Variants in SEMA4D observed in about 807,000 individuals in gnomAD.
SEMA4D encodes semaphorin 4D.
SEMA4D carries 22 observed loss-of-function variants against 74.8 expected under a neutral mutation model. The observed-to-expected ratio is 0.29, with a 90% CI of 0.21 to 0.42. SEMA4D has a LOEUF of 0.42. Among genes scored for constraint, SEMA4D ranks in the 10% least tolerant of loss-of-function variants. The probability of loss-of-function intolerance (pLI) is 1.00; values close to 1 mark genes in which losing one functional copy is unlikely to be tolerated. For synonymous variants in SEMA4D, 445 were observed against 463.7 expected, an observed-to-expected ratio of 0.96 and a Z score of 0.52; for missense variants, 937 against 1,118.4, an observed-to-expected ratio of 0.84 and a Z score of 2.31.
At chr9:89,366,666 G>A (rs1393442825) in intron 16 of SEMA4D, among the ~76,000 whole-genome samples, 1 of 152,196 alleles carries the variant, frequency 6.6e-6, no homozygotes, top group Non-Finnish European at 1.5e-5. Context: ...ACATCTAGGT[G>A]CCCATCAACT....
At chr9:89,427,486 A>C (rs918949749) in intron 2 of SEMA4D, among the ~76,000 whole-genome samples, 2 of 152,272 alleles carry the variant, frequency 1.3e-5, no homozygotes, top group African/African-American at 4.8e-5. Context: ...CCCAGGTAGG[A>C]ATTCCCCACT....
intron 11 of SEMA4D, 24 bp from the exon 12 acceptor site, chr9:89,387,632 T>G (rs371542377): frequency 6.2e-7 from 1 of 1,607,752 alleles, no homozygotes; most frequent in African/African-American, 1.3e-5. Context: ...ATCCCCGCTG[T>G]TAACGTGCTC....
At chr9:89,491,397 C>T (rs931611063) in intron 1 of SEMA4D, among the ~76,000 whole-genome samples, 8 of 152,226 alleles carry the variant, frequency 5.3e-5, no homozygotes, top group African/African-American at 1.9e-4. Flanking sequence ...TGGTGAAACG[C>T]TGTCTCTACT....
intron 2 of SEMA4D, among the ~76,000 whole-genome samples, chr9:89,426,117 G>T (rs1212017145): frequency 6.6e-6 from 1 of 152,166 alleles, no homozygotes; most frequent in Admixed American, 6.5e-5. Context: ...TTCTCCAGGG[G>T]ACTGGACCTC....
At chr9:89,376,193 T>A (rs1479764792), downstream of SEMA4D, among the ~76,000 whole-genome samples, 2 of 152,198 alleles carry the variant, frequency 1.3e-5, no homozygotes, top group Non-Finnish European at 1.5e-5. Flanking sequence ...CTTAATTTTT[T>A]AAAATTTCCA....
At chr9:89,366,818 C>A (rs1186711310) in intron 16 of SEMA4D, among the ~76,000 whole-genome samples, 2 of 152,156 alleles carry the variant, frequency 1.3e-5, no homozygotes, top group South Asian at 4.1e-4. Flanking sequence ...AGCCCGGTCT[C>A]CTCCCTCATG....
chr9:89,401,788 C>G (rs1453019876), intron 4 of SEMA4D, among the ~76,000 whole-genome samples: 1 of 152,130 alleles, frequency 6.6e-6, no homozygotes, highest in Non-Finnish European at 1.5e-5. Flanking sequence ...GAAATGGGAC[C>G]TCTACGGACC....
At position 89,389,358 on chromosome 9, in the gene SEMA4D, G is replaced by GTGC. The variant is rs536167120; in HGVS notation, c.775-314_775-312dup. Reference sequence around the variant, plus strand: ...AGCATTCAGTCCTGCAACCGCAGAGGTGCTGCCGTGCTCACACACTTCCAA... The same window carrying GTGC: ...AGCATTCAGTCCTGCAACCGCAGAGGTGCTGCTGCCGTGCTCACACACTTCCAA... On this transcript the variant is annotated intron_variant, in intron 9 of 15. Coordinates refer to ENST00000422704, the MANE Select transcript of SEMA4D (RefSeq NM_001371194.2). Among the ~76,000 whole-genome samples, 842 of 152,300 alleles carry GTGC rather than the reference G, an allele frequency of 5.5e-3. 7 individuals carry two copies. The highest frequency in any genetic ancestry group is 0.019 in the African/African-American group (804 of 41,570).
At chr9:89,362,290 G>A in exon 19 of SEMA4D, 1 of 1,591,336 alleles carries the variant, frequency 6.3e-7, no homozygotes, top group Non-Finnish European at 8.6e-7. Context: ...GCAGGCTTGG[G>A]CAAGACAGTT....
intron 1 of SEMA4D, among the ~76,000 whole-genome samples, chr9:89,495,772 A>C (rs942035145): frequency 2.6e-5 from 4 of 152,034 alleles, no homozygotes; most frequent in Non-Finnish European, 5.9e-5. Context: ...TCAGGAGGAG[A>C]ATCTGCAACC....
intron 2 of SEMA4D, chr9:89,449,469 C>T (rs886654670): frequency 5.8e-6 from 4 of 689,694 alleles, no homozygotes; most frequent in Admixed American, 2.2e-5. Flanking sequence ...CCTCGAGGAT[C>T]GAGGGAGCTC....
Position 89,387,407 on chromosome 9 carries a change from C to T in SEMA4D, c.1309G>A (p.Asp437Asn). Residue 437 changes from aspartate (D) to asparagine (N), a missense_variant, in exon 12 of 16, where the codon GAT (aspartate) becomes AAT (asparagine). By Grantham distance (23) the Asp-to-Asn change is conservative. Transcript: ENST00000422704. The part of the protein sequence containing the change: ...RTQALDGTVY[D>N]VMFVSTDRGA... ...CCACCTGTGCTGACAAACATGACAT[C>T]ATAGACAGTCCCATCCAGGGCCTGG... 6.2e-7 allele frequency: 1 copy of T among 1,613,904 alleles called. No individual in the cohort carries two copies. Among genetic ancestry groups the T allele is most frequent in the Non-Finnish European group, 8.5e-7 (1 of 1,179,780 alleles).
chr9:89,443,253 A>T (rs1333395020), intron 2 of SEMA4D, among the ~76,000 whole-genome samples: 1 of 152,128 alleles, frequency 6.6e-6, no homozygotes, highest in East Asian at 1.9e-4. Flanking sequence ...GGTGCTCTGG[A>T]GAAGAACGGA....
chr9:89,377,162 G>A, downstream of SEMA4D: 1 of 1,434,062 alleles, frequency 7.0e-7, no homozygotes, highest in Middle Eastern at 2.6e-4. Context: ...AAAAGAGCGA[G>A]CCCAGCTGTC....
Position 89,381,094 on chromosome 9 carries a change from A to C in SEMA4D, c.1624T>G (p.Leu542Val), listed in dbSNP as rs1836931701. ...LHQTESPSRG[L>V]IQEMSGDASV... ...GCATCGCCGCTCATCTCCTGAATCA[A>C]ACCCCTGCAAAACAACCGGCACGTG... The change falls in exon 15 of 16, where the codon TTG becomes GTG. Residue 542 changes from leucine to valine, a missense_variant. Leu to Val is a conservative substitution (Grantham distance 32, BLOSUM62 1). Transcript: ENST00000422704. The surrounding 1 kb of genome is among the most constrained non-coding windows in gnomAD (Gnocchi z 4.6). 4 of 1,614,112 alleles carry C rather than the reference A, an allele frequency of 2.5e-6. No homozygotes were observed. Among genetic ancestry groups the C allele is most frequent in the Non-Finnish European group, 2.5e-6 (3 of 1,180,034 alleles).
intron 2 of SEMA4D, among the ~76,000 whole-genome samples, chr9:89,430,810 C>G (rs560765010): frequency 3.9e-5 from 6 of 152,304 alleles, no homozygotes; most frequent in Admixed American, 3.9e-4. Flanking sequence ...AACCCCATCT[C>G]TACTAAAAAT....
At chr9:89,406,902 TC>T (rs1312090210) in intron 2 of SEMA4D, among the ~76,000 whole-genome samples, 2 of 151,812 alleles carry the variant, frequency 1.3e-5, no homozygotes, top group Non-Finnish European at 2.9e-5. Context: ...ACAGTCCATG[TC>T]CCCACCTAAA....
Position 89,388,734 on chromosome 9 carries a change from A to C in SEMA4D, c.1009T>G (p.Phe337Val), listed in dbSNP as rs369075527. The C allele has an allele frequency of 5.0e-6, 8 of 1,610,994 alleles. No homozygotes were observed. The African/African-American group carries it at 8.0e-5, about 16-fold the overall frequency. ...CTCTGCATGTACTTCCCGTGGGAGA[A>C]GACCTCCTCGGCTGTGGACAGGTTG... is the stretch of plus-strand genomic sequence containing the variant. ...AYNLSTAEEV[F>V]SHGKYMQSTT... Residue 337 changes from phenylalanine (F) to valine (V), a missense_variant, in exon 11 of 16, where the codon TTC becomes GTC. Coordinates refer to ENST00000422704, the MANE Select transcript of SEMA4D (RefSeq NM_001371194.2).
rs529030011 is a variant in SEMA4D, at chr9:89,378,666, G to A, written c.*38C>T. 26 of 1,527,480 alleles carry A rather than the reference G, an allele frequency of 1.7e-5. No homozygotes were observed. The East Asian group carries it at 1.8e-4, about 11-fold the overall frequency. 94.6% of individuals were successfully genotyped at this position (1,527,480 alleles called of 1,614,324 possible). On this transcript the variant is annotated 3_prime_UTR_variant, in exon 16 of 16. Transcript: ENST00000422704. ...CACAAAACTCTCCACGCCTGGACAC[G>A]TCGCAGCCGAGGCACCAGCGGGGAT... is the stretch of plus-strand genomic sequence containing the variant.
Sources: allele counts gnomAD v4.1 joint callset (sites outside exome capture counted in the v4.1 genomes callset), GRCh38; gene constraint gnomAD v4.1.1; non-coding constraint Gnocchi (gnomAD v3.1); transcripts MANE v1.5; gene names NCBI Gene and HGNC (gene_info 2026-07-23, HGNC 2026-07-21).